S1PR3: variants seen among roughly 807,000 people sequenced by gnomAD.
S1PR3 encodes the protein sphingosine 1-phosphate receptor 3.
Under a neutral mutation model 13.3 loss-of-function variants are expected in S1PR3, and 12 were observed. The ratio of observed to expected loss-of-function variants is 0.90; its 90% confidence interval spans 0.58 to 1.46. The LOEUF is 1.46. Among genes scored for constraint, S1PR3 ranks in the 40% most tolerant of loss-of-function variants. The pLI is 0.00. For missense variants in S1PR3, 450 were observed against 501.9 expected (o/e 0.90, Z 0.99); for synonymous variants, 232 against 214.0 (o/e 1.08, Z -0.73).
In S1PR3 at chr9:89,004,466, G is replaced by A. The variant is rs567266815; in HGVS notation, c.*2129G>A. The A allele has an allele frequency of 6.0e-6, 1 of 167,136 alleles. No homozygotes were observed. The highest frequency in any genetic ancestry group is 6.5e-5 in the Admixed American group (1 of 15,296). The allele number at this position is 167,136 out of a possible 1,614,324, so 10.4% of individuals were successfully genotyped here. On this transcript the variant is annotated 3_prime_UTR_variant, in exon 2 of 2. Coordinates refer to ENST00000358157, the MANE Select transcript of S1PR3 (RefSeq NM_005226.4). ...TCAGAGAGCCAAAACATTCAGTATT[G>A]CATTTTCACATAGGTGATGAAATGA...
At chr9:88,990,929 A>G, upstream of S1PR3, 1 of 1,595,032 alleles carries the variant, frequency 6.3e-7, no homozygotes, top group Admixed American at 1.7e-5. Flanking sequence ...AGCCCAAACA[A>G]AAACGCTGTC....
Position 89,003,914 on chromosome 9 carries a change from C to T in S1PR3, c.*1577C>T, listed in dbSNP as rs1454976205. 1.2e-5 allele frequency: 2 copies of T among 167,004 alleles called. No individual in the cohort carries two copies. The highest frequency in any genetic ancestry group is 6.5e-5 in the Admixed American group (1 of 15,290). The allele number at this position is 167,004 out of a possible 1,614,324, so 10.3% of individuals were successfully genotyped here. On this transcript the variant is annotated 3_prime_UTR_variant, in exon 2 of 2. Coordinates refer to ENST00000358157, the MANE Select transcript of S1PR3 (RefSeq NM_005226.4). ...TTCATAGGTTCAGAGTAACTCACCT[C>T]CATGGGCTGACCAAAGGCTTTTCTA...
At chr9:88,995,015 C>G (rs1387054344) in intron 1 of S1PR3, 4 of 167,086 alleles carry the variant, frequency 2.4e-5, no homozygotes, top group Non-Finnish European at 5.9e-5. Flanking sequence ...TACTCATTAG[C>G]AAAGGAATTT....
At chr9:88,993,591 A>G (rs944459784) in intron 1 of S1PR3, 4 of 152,186 alleles carry the variant, frequency 2.6e-5, no homozygotes, top group African/African-American at 9.7e-5. Flanking sequence ...TTCCTCTGCC[A>G]TATGTTTTCT....
At chr9:88,991,048 T>G (rs150059331), upstream of S1PR3, 35 of 1,613,452 alleles carry the variant, frequency 2.2e-5, no homozygotes, top group African/African-American at 3.9e-4. This position sits in a 1 kb window ranked among gnomAD's most constrained non-coding sequence, Gnocchi z 4.0. Context: ...CTATTAAGAA[T>G]CGGCCCAAAC....
chr9:89,001,159 C>T lies in S1PR3; in HGVS notation c.-42C>T, dbSNP rs1825861255. On this transcript the variant is annotated 5_prime_UTR_variant, in exon 2 of 2. Transcript: ENST00000358157. ...TTGAAATGAATGTTCCTGGGGCGCC[C>T]TCTCGTGGATTTTGGAGCTAATCGT... 1.3e-6 allele frequency: 2 copies of T among 1,596,884 alleles called. No individual in the cohort carries two copies. Among genetic ancestry groups the T allele is most frequent in the African/African-American group, 1.3e-5 (1 of 74,674 alleles).
chr9:89,002,543 A>G lies in S1PR3; in HGVS notation c.*206A>G, dbSNP rs1587668080. 1.6e-6 allele frequency: 1 copy of G among 626,624 alleles called. No homozygotes were observed. Among genetic ancestry groups the G allele is most frequent in the Admixed American group, 3.0e-5 (1 of 33,748 alleles). 38.8% of individuals were successfully genotyped at this position (626,624 alleles called of 1,614,324 possible). ...ACGTGCCTTGTCCACTTTGGGCTCC[A>G]GAGTCTTTCAGATGTACTAAGCTGC... is the stretch of plus-strand genomic sequence containing the variant. On this transcript the variant is annotated 3_prime_UTR_variant, in exon 2 of 2. Coordinates refer to ENST00000358157, the MANE Select transcript of S1PR3 (RefSeq NM_005226.4).
At chr9:88,991,246 G>T, upstream of S1PR3, 1 of 1,554,618 alleles carries the variant, frequency 6.4e-7, no homozygotes, top group Non-Finnish European at 8.7e-7. This position sits in a 1 kb window ranked among gnomAD's most constrained non-coding sequence, Gnocchi z 4.0. Flanking sequence ...GGATTGGTAG[G>T]GTCGGGGAGA....
rs940257810 is a variant in S1PR3 at position 88,991,813 on chromosome 9, C to A, written c.-148+118C>A. On this transcript the variant is annotated intron_variant, in intron 1 of 1. Coordinates refer to ENST00000358157, the MANE Select transcript of S1PR3 (RefSeq NM_005226.4). This position sits in a 1 kb window ranked among gnomAD's most constrained non-coding sequence, Gnocchi z 4.0. ...GCGCGACGGGGACTTGGGCGCGCCACGGCGGCCGGAGCGCTCCACATCAGC... is the reference window on the plus strand; with the variant it reads ...GCGCGACGGGGACTTGGGCGCGCCAAGGCGGCCGGAGCGCTCCACATCAGC... 1.2e-6 allele frequency: 2 copies of A among 1,608,110 alleles called. No homozygotes were observed. Among genetic ancestry groups the A allele is most frequent in the East Asian group, 4.5e-5 (2 of 44,700 alleles).
At chr9:88,997,382 T>C (rs955797757) in intron 1 of S1PR3, 1 of 152,156 alleles carries the variant, frequency 6.6e-6, no homozygotes, top group Non-Finnish European at 1.5e-5. Context: ...CCCTCTTCTC[T>C]CCATTCCCGG....
intron 1 of S1PR3, chr9:88,999,838 C>T (rs548478628): frequency 6.6e-6 from 1 of 152,136 alleles, no homozygotes; most frequent in Non-Finnish European, 1.5e-5. Context: ...CCCGTCTCTA[C>T]TAAAAATACA....
rs1456778097 is a variant in S1PR3, at chr9:89,003,119, C to T, written c.*782C>T. 6.0e-6 allele frequency: 1 copy of T among 167,046 alleles called. No individual in the cohort carries two copies. Among genetic ancestry groups the T allele is most frequent in the South Asian group, 2.1e-4 (1 of 4,834 alleles). The allele number at this position is 167,046 out of a possible 1,614,324, so 10.3% of individuals were successfully genotyped here. On this transcript the variant is annotated 3_prime_UTR_variant, in exon 2 of 2. Coordinates refer to ENST00000358157, the MANE Select transcript of S1PR3 (RefSeq NM_005226.4). ...TTCTGCAAATTACAGAAGAGCCAGC[C>T]AAGATCACCCAGGAGCTTGTGCCCC... is the stretch of plus-strand genomic sequence containing the variant.
intron 1 of S1PR3, chr9:88,996,996 A>G (rs996744894): frequency 6.6e-6 from 1 of 152,162 alleles, no homozygotes; most frequent in African/African-American, 2.4e-5. Flanking sequence ...TCCAAAATCA[A>G]TCTGGCCTTT....
chr9:88,994,530 G>T (rs1473217286), intron 1 of S1PR3: 1 of 167,068 alleles, frequency 6.0e-6, no homozygotes, highest in Non-Finnish European at 1.5e-5. Flanking sequence ...CAGCAGAATG[G>T]AGAAGGTTTA....
intron 1 of S1PR3, chr9:88,992,799 T>TGTGTGC (rs376829269): frequency 2.6e-5 from 4 of 151,240 alleles, no homozygotes; most frequent in Admixed American, 6.6e-5. Flanking sequence ...TGTGTGTGTG[T>TGTGTGC]GCGCTTGAGG....
rs1564063499 is a variant in S1PR3 at position 89,001,361 on chromosome 9, T to A, written c.161T>A (p.Val54Asp). ...TTCTTGGTCATCTGCAGCTTCATCG[T>A]CTTGGAGAACCTGATGGTTTTGATT... ...VLFLVICSFI[V>D]LENLMVLIAI... Residue 54 changes from valine (V) to aspartate (D), a missense_variant, in exon 2 of 2, where the codon GTC becomes GAC. Physicochemically the swap from Val to Asp is radical, Grantham distance 152. Coordinates refer to ENST00000358157, the MANE Select transcript of S1PR3 (RefSeq NM_005226.4). 6.2e-7 allele frequency: 1 copy of A among 1,614,208 alleles called. No individual in the cohort carries two copies.
chr9:88,993,256 T>C (rs1825747998), intron 1 of S1PR3: 1 of 152,666 alleles, frequency 6.6e-6, no homozygotes, highest in Admixed American at 6.5e-5. Flanking sequence ...CTTGATTTCA[T>C]GGTATCTCTT....
intron 1 of S1PR3, chr9:88,993,911 C>T (rs575682518): frequency 6.5e-6 from 1 of 154,178 alleles, no homozygotes; most frequent in South Asian, 2.1e-4. Flanking sequence ...GGGGTCAGCT[C>T]ACACAGCGAG....
At chr9:88,997,862 G>A in intron 1 of S1PR3, 1 of 152,320 alleles carries the variant, frequency 6.6e-6, no homozygotes, top group East Asian at 1.9e-4. Flanking sequence ...CAGTTGCTAT[G>A]GGAGGGAGGA....
Sources: allele counts gnomAD v4.1 joint callset, GRCh38; gene constraint gnomAD v4.1.1; non-coding constraint Gnocchi (gnomAD v3.1); transcripts MANE v1.5; gene names NCBI Gene and HGNC (gene_info 2026-07-23, HGNC 2026-07-21).